Variants in CHMP4B observed in about 807,000 individuals in gnomAD.
CHMP4B encodes the protein charged multivesicular body protein 4B, also known as SNF7 homolog associated with Alix 1.
A neutral mutation model predicts 25.1 loss-of-function variants in CHMP4B; 1 was observed. That is an observed-to-expected ratio of 0.04 (90% CI 0.01 to 0.19). CHMP4B has a LOEUF of 0.19. CHMP4B is among the 10% of genes least tolerant of loss of function. The pLI, the probability that CHMP4B is intolerant of heterozygous loss-of-function variation, is 1.00. For synonymous variants in CHMP4B, 101 were observed against 115.6 expected (o/e 0.87, Z 0.81); for missense variants, 151 against 289.7 (o/e 0.52, Z 3.48).
rs188658027 is a variant in CHMP4B at position 33,846,039 on chromosome 20, G to A, written c.191-2428G>A. On this transcript the variant is annotated intron_variant, in intron 1 of 4. Coordinates refer to ENST00000217402, the MANE Select transcript of CHMP4B (RefSeq NM_176812.5). ...CTGAGGATTTTTCAGCAAAGGAATC[G>A]TTGGATTTGCATTCCCTCTTCTGTG... Among the ~76,000 whole-genome samples the A allele has an allele frequency of 1.4e-3, 216 of 152,306 alleles. 3 individuals carry two copies. Among genetic ancestry groups the A allele is most frequent in the African/African-American group, 7.2e-4 (30 of 41,566 alleles).
chr20:33,837,726 T>A (rs1979428171), intron 1 of CHMP4B, among the ~76,000 whole-genome samples: 1 of 152,200 alleles, frequency 6.6e-6, no homozygotes, highest in South Asian at 2.1e-4. Flanking sequence ...TCTAACTCAG[T>A]TTGTGAAGCC....
At chr20:33,813,143 T>TAAA (rs754102878) in intron 1 of CHMP4B, among the ~76,000 whole-genome samples, 1 of 112,000 alleles carries the variant, frequency 8.9e-6, no homozygotes, top group African/African-American at 3.3e-5. Flanking sequence ...ACCAGCTCTG[T>TAAA]AAAAAAAAAA....
chr20:33,841,871 C>T (rs1329502095), intron 1 of CHMP4B, among the ~76,000 whole-genome samples: 2 of 152,138 alleles, frequency 1.3e-5, no homozygotes. Flanking sequence ...GACTGTTTTC[C>T]TTATGGCACG....
chr20:33,827,293 A>G (rs1309055522), intron 1 of CHMP4B, among the ~76,000 whole-genome samples: 1 of 152,240 alleles, frequency 6.6e-6, no homozygotes, highest in African/African-American at 2.4e-5. Flanking sequence ...GATGGATTAA[A>G]TGAGTGCTGA....
chr20:33,811,536 A>G lies in CHMP4B; in HGVS notation c.68A>G (p.Gln23Arg). The G allele has an allele frequency of 6.2e-7, 1 of 1,610,674 alleles. No individual in the cohort carries two copies. Among genetic ancestry groups the G allele is most frequent in the Non-Finnish European group, 8.5e-7 (1 of 1,178,610 alleles). The change falls in exon 1 of 5, where the codon CAG becomes CGG. Residue 23 changes from glutamine (Q) to arginine (R), a missense_variant. This residue lies in a region of CHMP4B where 28 missense variants were observed against 30.5 expected (regional missense o/e 0.92). Coordinates refer to ENST00000217402, the MANE Select transcript of CHMP4B (RefSeq NM_176812.5). ...GKAGKGGPTP[Q>R]EAIQRLRDTE... ...GCCGGCAAGGGCGGCCCGACCCCCC[A>G]GGAGGCCATCCAGCGGCTGCGGGAC...
Position 33,845,101 on chromosome 20 carries a change from G to A in CHMP4B, c.191-3366G>A, listed in dbSNP as rs138846688. Reference sequence around the variant, plus strand: ...AACGGTCTCAGAGTCACTTGCTGTCGTTCTGAGACTGTGAGGAAGAGCATA... The same window carrying A: ...AACGGTCTCAGAGTCACTTGCTGTCATTCTGAGACTGTGAGGAAGAGCATA... On this transcript the variant is annotated intron_variant, in intron 1 of 4. Coordinates refer to ENST00000217402, the MANE Select transcript of CHMP4B (RefSeq NM_176812.5). Among the ~76,000 whole-genome samples, 461 of 152,114 alleles carry A rather than the reference G, an allele frequency of 3.0e-3. 6 individuals carry two copies. Among genetic ancestry groups the A allele is most frequent in the Middle Eastern group, 0.02 (6 of 294 alleles).
intron 1 of CHMP4B, among the ~76,000 whole-genome samples, chr20:33,841,086 T>G (rs1486450774): frequency 6.6e-6 from 1 of 152,238 alleles, no homozygotes; most frequent in Non-Finnish European, 1.5e-5. Context: ...GAGCGTTTGA[T>G]ATTCTGTTAG....
At chr20:33,828,303 T>A (rs1408949343) in intron 1 of CHMP4B, among the ~76,000 whole-genome samples, 9 of 152,210 alleles carry the variant, frequency 5.9e-5, no homozygotes, top group Admixed American at 4.6e-4. Context: ...CTGGAACTCA[T>A]GACACCTATC....
At chr20:33,813,579 C>A (rs181914286) in intron 1 of CHMP4B, among the ~76,000 whole-genome samples, 1 of 152,206 alleles carries the variant, frequency 6.6e-6, no homozygotes, top group African/African-American at 2.4e-5. Flanking sequence ...GATGACTCTC[C>A]CTCAGTCCAG....
chr20:33,811,398 GCCGAC>G lies in CHMP4B; in HGVS notation c.-66_-62del, dbSNP rs1166812121. The G allele has an allele frequency of 2.8e-5, 35 of 1,271,756 alleles. No individual in the cohort carries two copies. The highest frequency in any genetic ancestry group is 3.2e-5 in the Non-Finnish European group (32 of 997,736). 78.8% of individuals were successfully genotyped at this position (1,271,756 alleles called of 1,614,324 possible). The stretch of plus-strand genomic sequence containing the variant: ...GGCGGGACTGGGAGCGGGCGCCGGA[GCCGAC>G]CCGAGCCGAGCCGAGCCGAGCCGAG... On this transcript the variant is annotated 5_prime_UTR_variant, in exon 1 of 5. Transcript: ENST00000217402.
At chr20:33,825,684 G>A (rs1277249689) in intron 1 of CHMP4B, among the ~76,000 whole-genome samples, 1 of 152,226 alleles carries the variant, frequency 6.6e-6, no homozygotes, top group African/African-American at 2.4e-5. Flanking sequence ...CAAGCTTTAA[G>A]TTTCTAGCAT....
intron 1 of CHMP4B, among the ~76,000 whole-genome samples, chr20:33,846,357 G>T (rs1019640498): frequency 3.9e-5 from 6 of 152,234 alleles, no homozygotes; most frequent in African/African-American, 1.4e-4. Context: ...TGAAGGTCTT[G>T]AGGATCCCCT....
At chr20:33,836,646 G>GGTTTTCT (rs1180147856) in intron 1 of CHMP4B, among the ~76,000 whole-genome samples, 3 of 151,978 alleles carry the variant, frequency 2.0e-5, no homozygotes, top group African/African-American at 7.3e-5. Flanking sequence ...GGCTCTCCAG[G>GGTTTTCT]GTTTTCTCTC....
chr20:33,837,815 T>C (rs1000791379), intron 1 of CHMP4B, among the ~76,000 whole-genome samples: 1 of 152,226 alleles, frequency 6.6e-6, no homozygotes, highest in Non-Finnish European at 1.5e-5. Context: ...ATGGAGCATA[T>C]GGATGTTAAT....
At chr20:33,837,054 G>A (rs372124779) in intron 1 of CHMP4B, among the ~76,000 whole-genome samples, 3 of 152,138 alleles carry the variant, frequency 2.0e-5, no homozygotes, top group African/African-American at 7.2e-5. Context: ...CTAGTAAGAC[G>A]AATTCCTTAT....
chr20:33,816,173 C>A (rs1978777712), intron 1 of CHMP4B, among the ~76,000 whole-genome samples: 1 of 152,072 alleles, frequency 6.6e-6, no homozygotes, highest in African/African-American at 2.4e-5. Context: ...TTTCTTTAGT[C>A]ATATATTCAT....
At chr20:33,837,980 G>A (rs985074309) in intron 1 of CHMP4B, among the ~76,000 whole-genome samples, 3 of 152,192 alleles carry the variant, frequency 2.0e-5, no homozygotes, top group Non-Finnish European at 4.4e-5. Flanking sequence ...TTGTGTCCTT[G>A]ATGAGGAGTC....
At chr20:33,818,587 G>C (rs1978845617) in intron 1 of CHMP4B, among the ~76,000 whole-genome samples, 2 of 152,208 alleles carry the variant, frequency 1.3e-5, no homozygotes. Flanking sequence ...CTACAGGTTG[G>C]GATAATAGCT....
intron 1 of CHMP4B, among the ~76,000 whole-genome samples, chr20:33,831,490 AAAGT>A (rs1161302395): frequency 6.6e-6 from 1 of 152,180 alleles, no homozygotes; most frequent in Non-Finnish European, 1.5e-5. Flanking sequence ...TTGGCCTCCC[AAAGT>A]GCTGGGATTA....
Sources: allele counts gnomAD v4.1 joint callset (sites outside exome capture counted in the v4.1 genomes callset), GRCh38; gene constraint gnomAD v4.1.1; regional missense constraint gnomAD v4.1.1; transcripts MANE v1.5; gene names NCBI Gene and HGNC (gene_info 2026-07-23, HGNC 2026-07-21).